Variants in CARMIL1 observed in about 807,000 individuals in gnomAD.
CARMIL1 encodes capping protein regulator and myosin 1 linker 1.
Under a neutral mutation model 177.1 loss-of-function variants are expected in CARMIL1, and 90 were observed. The ratio of observed to expected loss-of-function variants is 0.51; its 90% CI spans 0.43 to 0.61. The LOEUF (loss-of-function observed/expected upper bound fraction) is 0.61, where lower values mean the gene tolerates loss of function less well. Ranked by LOEUF, CARMIL1 falls within the 20% of genes least tolerant of loss-of-function variation. The pLI is 0.00. For missense variants in CARMIL1, 1,380 were observed against 1,667.0 expected (o/e 0.83, Z 3.00); for synonymous variants, 577 against 606.2 (o/e 0.95, Z 0.71).
intron 2 of CARMIL1, among the ~76,000 whole-genome samples, chr6:25,380,751 A>G (rs1263079740): frequency 1.3e-5 from 2 of 152,154 alleles, no homozygotes; most frequent in Admixed American, 1.3e-4. Flanking sequence ...TCTTTGCACC[A>G]GGCACTGTGT....
rs1816381967 is a variant in CARMIL1, at chr6:25,610,116, C to T, written c.3914C>T (p.Pro1305Leu). 6.2e-7 allele frequency: 1 copy of T among 1,613,920 alleles called. No individual in the cohort carries two copies. The change falls in exon 36 of 37, where the codon CCT becomes CTT. Residue 1305 changes from proline to leucine, a missense_variant. Coordinates refer to ENST00000329474, the MANE Select transcript of CARMIL1 (RefSeq NM_017640.6). Reference sequence around the variant, plus strand: ...CTTCCACCTGTCCTGAAAAAAGTTCCTTCAGACAAAGAGAGAGATGGCCAG... The same window carrying T: ...CTTCCACCTGTCCTGAAAAAAGTTCTTTCAGACAAAGAGAGAGATGGCCAG... Reference protein sequence around the residue: ...ALLPPVLKKVPSDKERDGQSS... With the variant: ...ALLPPVLKKVLSDKERDGQSS...
At chr6:25,559,103 A>G (rs895745078) in intron 29 of CARMIL1, among the ~76,000 whole-genome samples, 2 of 152,138 alleles carry the variant, frequency 1.3e-5, no homozygotes, top group African/African-American at 2.4e-5. Context: ...CCACCCAAAG[A>G]TAGAACCTTT....
At chr6:25,597,436 C>G (rs1814960599) in intron 32 of CARMIL1, among the ~76,000 whole-genome samples, 1 of 152,158 alleles carries the variant, frequency 6.6e-6, no homozygotes, top group Non-Finnish European at 1.5e-5. Flanking sequence ...ATTACATTTT[C>G]TTTCTATAGA....
intron 35 of CARMIL1, among the ~76,000 whole-genome samples, chr6:25,608,035 AT>A (rs1246236034): frequency 6.6e-6 from 1 of 152,212 alleles, no homozygotes; most frequent in African/African-American, 2.4e-5. Flanking sequence ...AATAGAAAAA[AT>A]TTTTAATAGA....
Position 25,606,154 on chromosome 6 carries a change from C to T in CARMIL1, c.3728C>T (p.Ser1243Phe), listed in dbSNP as rs760954711. ...GCAGAACCCAAAGCGGAAGCAGGCT[C>T]CAGGTCTCGGAGCTCATCCAGCACA... Reference protein sequence around the residue: ...TKAEPKAEAGSRSRSSSSTPT... With the variant: ...TKAEPKAEAGFRSRSSSSTPT... The change falls in exon 35 of 37, where the codon TCC becomes TTC. Residue 1243 changes from serine (S) to phenylalanine (F), a missense_variant. Transcript: ENST00000329474. The T allele has an allele frequency of 3.1e-6, 5 of 1,613,966 alleles. No homozygotes were observed. Among genetic ancestry groups the T allele is most frequent in the Middle Eastern group, 1.6e-4 (1 of 6,062 alleles).
chr6:25,298,090 A>G (rs1275381589), intron 2 of CARMIL1, among the ~76,000 whole-genome samples: 3 of 152,222 alleles, frequency 2.0e-5, no homozygotes, highest in African/African-American at 7.2e-5. Flanking sequence ...AAAAAACTAC[A>G]TTGTAGCTTT....
intron 2 of CARMIL1, chr6:25,393,308 G>C: frequency 6.6e-6 from 1 of 152,140 alleles, no homozygotes; most frequent in East Asian, 1.9e-4. Context: ...TGTAATCCCA[G>C]CACTTTGGGA....
chr6:25,443,964 C>T (rs1010637684), intron 5 of CARMIL1, among the ~76,000 whole-genome samples: 8 of 151,896 alleles, frequency 5.3e-5, no homozygotes, highest in East Asian at 1.9e-4. Context: ...CCACCACGCC[C>T]GAATAATTTT....
chr6:25,409,854 A>G (rs1200786529), intron 2 of CARMIL1, among the ~76,000 whole-genome samples: 3 of 152,050 alleles, frequency 2.0e-5, no homozygotes, highest in Admixed American at 1.3e-4. Flanking sequence ...TTAGTCTGTC[A>G]TATTAATATG....
intron 2 of CARMIL1, among the ~76,000 whole-genome samples, chr6:25,347,500 T>C (rs74412351): frequency 0.056 from 8,542 of 152,326 alleles, 286 homozygotes; most frequent in Non-Finnish European, 0.088. Flanking sequence ...TCAGAGCAAT[T>C]CATATTTCTG....
At chr6:25,477,911 G>A (rs1006834545) in intron 11 of CARMIL1, among the ~76,000 whole-genome samples, 1 of 129,306 alleles carries the variant, frequency 7.7e-6, no homozygotes, top group Admixed American at 8.9e-5. Flanking sequence ...GCTGGAGTAT[G>A]GTGGTGTAAT....
chr6:25,449,844 T>C, intron 5 of CARMIL1, 54 bp from the exon 6 acceptor site: 1 of 992,772 alleles, frequency 1.0e-6, no homozygotes, highest in Admixed American at 2.4e-5. Flanking sequence ...TTTATTTCTA[T>C]GTGCAGTCAA....
At chr6:25,408,688 A>G (rs78760564) in intron 2 of CARMIL1, among the ~76,000 whole-genome samples, 3,764 of 152,250 alleles carry the variant, frequency 0.025, 67 homozygotes, top group Non-Finnish European at 0.035. Flanking sequence ...AGTGCTCTGC[A>G]TGATTGGATG....
intron 2 of CARMIL1, among the ~76,000 whole-genome samples, chr6:25,315,279 G>C (rs963346398): frequency 1.3e-5 from 2 of 152,192 alleles, no homozygotes; most frequent in Non-Finnish European, 2.9e-5. Flanking sequence ...GTGGTGTGGA[G>C]AGGTTTTCTC....
intron 24 of CARMIL1, among the ~76,000 whole-genome samples, chr6:25,531,116 C>T (rs1490686313): frequency 6.6e-6 from 1 of 151,856 alleles, no homozygotes; most frequent in African/African-American, 2.4e-5. Flanking sequence ...TTCTGTAATT[C>T]GTAAATCAAA....
chr6:25,437,926 G>C lies in CARMIL1; in HGVS notation c.371+2322G>C, dbSNP rs528165122. Among the ~76,000 whole-genome samples the C allele has an allele frequency of 3.9e-5, 6 of 152,132 alleles. No individual in the cohort carries two copies. The East Asian group carries it at 1.2e-3, about 29-fold the overall frequency. On this transcript the variant is annotated intron_variant, in intron 5 of 36. Transcript: ENST00000329474. ...TCTCCCTGCTTCTAGTTCTTCTCTT[G>C]CAAGTGATCCTTCATACTGTCATCC...
chr6:25,585,877 A>C (rs1423135518), intron 31 of CARMIL1, among the ~76,000 whole-genome samples: 1 of 152,208 alleles, frequency 6.6e-6, no homozygotes, highest in Non-Finnish European at 1.5e-5. Flanking sequence ...AAGGTTATAG[A>C]TTAACAGCAT....
At chr6:25,383,999 C>T (rs1791882498) in intron 2 of CARMIL1, among the ~76,000 whole-genome samples, 1 of 152,124 alleles carries the variant, frequency 6.6e-6, no homozygotes, top group African/African-American at 2.4e-5. Context: ...GCCACCATCC[C>T]CGGGTAATTT....
chr6:25,540,174 T>C, intron 26 of CARMIL1, 96 bp downstream of exon 26: 1 of 1,143,454 alleles, frequency 8.7e-7, no homozygotes, highest in Non-Finnish European at 1.2e-6. Context: ...TATAGACTTG[T>C]ATGTGTGCAT....
Sources: allele counts gnomAD v4.1 joint callset (sites outside exome capture counted in the v4.1 genomes callset), GRCh38; gene constraint gnomAD v4.1.1; transcripts MANE v1.5; gene names NCBI Gene and HGNC (gene_info 2026-07-23, HGNC 2026-07-21).